The following CYP39A1 variants were observed in gnomAD, a reference collection of about 807,000 sequenced individuals.
CYP39A1 encodes the protein 24-hydroxycholesterol 7-alpha-hydroxylase.
A neutral mutation model predicts 58.1 loss-of-function variants in CYP39A1; 49 were observed. The observed-to-expected ratio is 0.84, with a 90% confidence interval of 0.67 to 1.07. The LOEUF (loss-of-function observed/expected upper bound fraction) is 1.07. Among genes scored for constraint, CYP39A1 ranks in the 50% least tolerant of loss-of-function variants. The probability of loss-of-function intolerance (pLI) is 0.00; values close to 1 mark genes in which losing one functional copy is unlikely to be tolerated. For missense variants in CYP39A1, 531 were observed against 539.4 expected, an observed-to-expected ratio of 0.98 and a Z score of 0.16; for synonymous variants, 209 against 187.6, an observed-to-expected ratio of 1.11 and a Z score of -0.93.
chr6:46,557,573 G>A (rs896178150), intron 10 of CYP39A1, among the ~76,000 whole-genome samples: 1 of 150,968 alleles, frequency 6.6e-6, no homozygotes, highest in Non-Finnish European at 1.5e-5. Flanking sequence ...AACCAGGGAG[G>A]AGGAGGTTGC....
chr6:46,575,538 CA>C (rs762325919), intron 10 of CYP39A1, among the ~76,000 whole-genome samples: 1 of 152,190 alleles, frequency 6.6e-6, no homozygotes, highest in Non-Finnish European at 1.5e-5. Flanking sequence ...TGCATCTTGC[CA>C]GTGTGCACCC....
At chr6:46,616,373 C>T (rs1185750945) in intron 7 of CYP39A1, among the ~76,000 whole-genome samples, 1 of 151,056 alleles carries the variant, frequency 6.6e-6, no homozygotes, top group Non-Finnish European at 1.5e-5. Context: ...ATCCTCCCAC[C>T]TCAGCCTCCT....
intron 10 of CYP39A1, among the ~76,000 whole-genome samples, chr6:46,559,149 C>T (rs528802517): frequency 3.3e-5 from 5 of 152,192 alleles, no homozygotes; most frequent in South Asian, 2.1e-4. Context: ...TGCCTGTGCC[C>T]GCAATGAACA....
intron 10 of CYP39A1, 56 bp from the exon 11 acceptor site, chr6:46,553,910 CA>C: frequency 9.0e-7 from 1 of 1,106,940 alleles, no homozygotes; most frequent in South Asian, 1.4e-5. Flanking sequence ...AAATATCTGC[CA>C]ACAGAGAATA....
intron 1 of CYP39A1, among the ~76,000 whole-genome samples, chr6:46,644,204 C>G (rs926392781): frequency 2.0e-5 from 3 of 152,190 alleles, no homozygotes; most frequent in African/African-American, 7.2e-5. Flanking sequence ...TTGAATTTCA[C>G]TATGTCATAT....
At chr6:46,576,472 C>T (rs1771853092) in intron 10 of CYP39A1, among the ~76,000 whole-genome samples, 1 of 152,202 alleles carries the variant, frequency 6.6e-6, no homozygotes, top group African/African-American at 2.4e-5. Context: ...ACCACATTAG[C>T]TCCCCAGCTA....
chr6:46,553,311 T>C (rs1045547898), intron 11 of CYP39A1, among the ~76,000 whole-genome samples: 4 of 152,196 alleles, frequency 2.6e-5, no homozygotes, highest in Non-Finnish European at 5.9e-5. Flanking sequence ...CCATGACCTT[T>C]TCATTTCTGT....
At chr6:46,559,256 A>C (rs569268410) in intron 10 of CYP39A1, among the ~76,000 whole-genome samples, 4 of 152,032 alleles carry the variant, frequency 2.6e-5, no homozygotes, top group Non-Finnish European at 2.9e-5. Flanking sequence ...CCTAGGGAGG[A>C]AGGGTGGTGA....
intron 5 of CYP39A1, among the ~76,000 whole-genome samples, chr6:46,633,794 T>A (rs1775797943): frequency 6.6e-6 from 1 of 151,014 alleles, no homozygotes. Context: ...GAGGCAGAGG[T>A]TGCAGTGAGC....
intron 1 of CYP39A1, among the ~76,000 whole-genome samples, chr6:46,644,949 C>T (rs1461114272): frequency 6.6e-6 from 1 of 152,122 alleles, no homozygotes; most frequent in Non-Finnish European, 1.5e-5. Flanking sequence ...TTCATTGATA[C>T]ATCTTGTGTA....
chr6:46,601,641 G>A (rs899913273), intron 7 of CYP39A1, among the ~76,000 whole-genome samples: 3 of 150,934 alleles, frequency 2.0e-5, no homozygotes, highest in African/African-American at 4.9e-5. Flanking sequence ...ACTATAATTG[G>A]CATGTGGCAA....
intron 7 of CYP39A1, among the ~76,000 whole-genome samples, chr6:46,621,373 A>G (rs538993580): frequency 3.3e-5 from 5 of 152,282 alleles, no homozygotes; most frequent in African/African-American, 1.2e-4. Flanking sequence ...TCAAGTTAAA[A>G]TAAACAAAAT....
chr6:46,596,667 C>G (rs1773182728), intron 7 of CYP39A1, among the ~76,000 whole-genome samples: 1 of 151,598 alleles, frequency 6.6e-6, no homozygotes, highest in South Asian at 2.1e-4. Context: ...CCTCTAAACA[C>G]AGGTGCATCA....
intron 1 of CYP39A1, among the ~76,000 whole-genome samples, chr6:46,646,646 T>C (rs1762344137): frequency 6.6e-6 from 1 of 152,158 alleles, no homozygotes; most frequent in Admixed American, 6.5e-5. Flanking sequence ...TTAATTCTTT[T>C]TTAAACATTT....
At position 46,587,838 on chromosome 6, in the gene CYP39A1, C is replaced by G. The variant is rs576524402; in HGVS notation, c.1161+196G>C. On this transcript the variant is annotated intron_variant, in intron 9 of 11. Coordinates refer to ENST00000275016, the MANE Select transcript of CYP39A1 (RefSeq NM_016593.5). ...AAGTTAGAGAAGTTTACTACAAAAA[C>G]TTTTCTAACTGATTTGTAAATGTTG... Among the ~76,000 whole-genome samples, 3 of 152,220 alleles carry G rather than the reference C, an allele frequency of 2.0e-5. No individual in the cohort carries two copies. In the East Asian group the frequency reaches 5.8e-4, roughly 29 times the overall value.
intron 5 of CYP39A1, among the ~76,000 whole-genome samples, 183 bp from the exon 6 acceptor site, chr6:46,631,253 G>A (rs1775644855): frequency 6.6e-6 from 1 of 151,640 alleles, no homozygotes; most frequent in Non-Finnish European, 1.5e-5. Context: ...TAGGAGTAGG[G>A]ATTCTGGAGC....
At chr6:46,551,586 A>T (rs1705634692) in intron 11 of CYP39A1, among the ~76,000 whole-genome samples, 1 of 152,224 alleles carries the variant, frequency 6.6e-6, no homozygotes. Context: ...AATTAACACT[A>T]CATTATTTAA....
chr6:46,601,557 T>C (rs927316774), intron 7 of CYP39A1, among the ~76,000 whole-genome samples: 3 of 152,122 alleles, frequency 2.0e-5, no homozygotes, highest in Admixed American at 2.0e-4. Flanking sequence ...ACATATAAAA[T>C]GGAAATACAG....
intron 1 of CYP39A1, among the ~76,000 whole-genome samples, chr6:46,642,615 A>G (rs1245436115): frequency 6.6e-6 from 1 of 152,180 alleles, no homozygotes; most frequent in Non-Finnish European, 1.5e-5. Context: ...ACATTTAAAC[A>G]TTGTTTTCAA....
Sources: allele counts gnomAD v4.1 joint callset (sites outside exome capture counted in the v4.1 genomes callset), GRCh38; gene constraint gnomAD v4.1.1; transcripts MANE v1.5; gene names NCBI Gene and HGNC (gene_info 2026-07-23, HGNC 2026-07-21).